Variants in ANKS1A observed in about 807,000 individuals in gnomAD.
ANKS1A encodes the protein ankyrin repeat and SAM domain-containing protein 1A.
A neutral mutation model predicts 120.3 loss-of-function variants in ANKS1A; 55 were observed. That is an observed-to-expected ratio of 0.46 (90% CI 0.37 to 0.57). ANKS1A has a LOEUF of 0.57. Among genes scored for constraint, ANKS1A ranks in the 20% least tolerant of loss-of-function variants. The pLI, the probability that ANKS1A is intolerant of heterozygous loss-of-function variation, is 0.00. For missense variants in ANKS1A, 1,123 were observed against 1,480.3 expected, an observed-to-expected ratio of 0.76 and a Z score of 3.96; for synonymous variants, 590 against 604.7, an observed-to-expected ratio of 0.98 and a Z score of 0.36.
chr6:35,081,282 G>A, intron 17 of ANKS1A, 124 bp downstream of exon 17: 1 of 1,277,336 alleles, frequency 7.8e-7, no homozygotes, highest in Non-Finnish European at 1.1e-6. Flanking sequence ...GAGTCAGGAG[G>A]CACTAGCCTG....
rs1326247861 is a variant in ANKS1A at position 35,050,774 on chromosome 6, G to A, written c.2011-3325G>A. Among the ~76,000 whole-genome samples, 1 of 152,154 alleles carries A rather than the reference G, an allele frequency of 6.6e-6. No individual in the cohort carries two copies. The highest frequency in any genetic ancestry group is 1.5e-5 in the Non-Finnish European group (1 of 68,030). ...CCAGGGTGGGGACCTGCCAATCTCT[G>A]CCCAAACAGGACCTCTTCGCTGCCA... On this transcript the variant is annotated intron_variant, in intron 11 of 23. Coordinates refer to ENST00000360359, the MANE Select transcript of ANKS1A (RefSeq NM_015245.3). The surrounding 1 kb of genome is among the most constrained non-coding windows in gnomAD (Gnocchi z 4.3).
At chr6:35,049,375 G>T (rs1461328128) in intron 11 of ANKS1A, among the ~76,000 whole-genome samples, 1 of 152,184 alleles carries the variant, frequency 6.6e-6, no homozygotes, top group Non-Finnish European at 1.5e-5. Flanking sequence ...GCATATGGTG[G>T]GATCTAAAGA....
chr6:35,078,395 C>T (rs1182709523), intron 13 of ANKS1A, among the ~76,000 whole-genome samples, 163 bp from the exon 14 acceptor site: 1 of 152,154 alleles, frequency 6.6e-6, no homozygotes, highest in Non-Finnish European at 1.5e-5. Flanking sequence ...CTGGGAGCCG[C>T]CCGGATGGAC....
At chr6:34,918,600 ATC>A (rs200345460) in intron 1 of ANKS1A, among the ~76,000 whole-genome samples, 1,902 of 152,332 alleles carry the variant, frequency 0.012, 18 homozygotes, top group Middle Eastern at 0.024. Context: ...AGCAGAAGGT[ATC>A]TCAGGATCGG....
intron 10 of ANKS1A, among the ~76,000 whole-genome samples, chr6:35,005,154 G>A (rs772083756): frequency 5.9e-5 from 9 of 152,154 alleles, no homozygotes; most frequent in Non-Finnish European, 8.8e-5. Flanking sequence ...TAGAATTAGC[G>A]GGTCAGAGTG....
At chr6:35,064,681 C>T (rs1040564567) in intron 13 of ANKS1A, among the ~76,000 whole-genome samples, 37 of 152,330 alleles carry the variant, frequency 2.4e-4, no homozygotes, top group Non-Finnish European at 3.4e-4. Flanking sequence ...TATGACATCC[C>T]TCCTTTTGCC....
At chr6:35,004,577 G>T (rs1017518936) in intron 10 of ANKS1A, among the ~76,000 whole-genome samples, 15 of 151,944 alleles carry the variant, frequency 9.9e-5, no homozygotes, top group African/African-American at 3.6e-4. Context: ...AAATGTTAAG[G>T]TTCTTCTCAC....
rs1214825678 is a variant in ANKS1A at position 34,994,459 on chromosome 6, A to G, written c.1423+37A>G. On this transcript the variant is annotated intron_variant, in intron 10 of 23. Transcript: ENST00000360359. ...ACAACTCCTGGCAGAACCAACTCCA[A>G]AGGGATTTTTAAAGTTTGTGATCCT... 1.1e-5 allele frequency: 17 copies of G among 1,600,356 alleles called. No homozygotes were observed. In the South Asian group the frequency reaches 1.5e-4, roughly 15 times the overall value.
intron 1 of ANKS1A, 26 bp from the exon 2 acceptor site, chr6:34,967,213 C>G (rs1428043016): frequency 6.2e-7 from 1 of 1,604,106 alleles, no homozygotes; most frequent in African/African-American, 1.3e-5. Context: ...AAATCTATGT[C>G]TCTCTCTTTT....
Position 34,956,654 on chromosome 6 carries a change from G to A in ANKS1A, c.198-10585G>A, listed in dbSNP as rs537026872. 2.0e-5 allele frequency among the ~76,000 whole-genome samples: 3 copies of A among 152,240 alleles called. No individual in the cohort carries two copies. In the South Asian group the frequency reaches 6.2e-4, roughly 32 times the overall value. The stretch of plus-strand genomic sequence containing the variant: ...CCCTCAACTTTTCTGTGTAGGGATG[G>A]GAGTGGAGCTCCCATTCCAGCATTA... On this transcript the variant is annotated intron_variant, in intron 1 of 23. Coordinates refer to ENST00000360359, the MANE Select transcript of ANKS1A (RefSeq NM_015245.3).
intron 23 of ANKS1A, 44 bp downstream of exon 23, chr6:35,087,093 A>G (rs377223452): frequency 3.0e-5 from 47 of 1,565,214 alleles, no homozygotes; most frequent in African/African-American, 2.4e-4. Flanking sequence ...CCCTGTCTCC[A>G]CTAGTCTCAC....
At chr6:34,939,741 G>T (rs1300819657) in intron 1 of ANKS1A, among the ~76,000 whole-genome samples, 2 of 152,128 alleles carry the variant, frequency 1.3e-5, no homozygotes, top group African/African-American at 4.8e-5. Flanking sequence ...AAGGTTTGGG[G>T]ATATGCTAAG....
In ANKS1A at chr6:34,945,349, A is replaced by T. The variant is rs7741166; in HGVS notation, c.198-21890A>T. Among the ~76,000 whole-genome samples, 1,161 of 152,282 alleles carry T rather than the reference A, an allele frequency of 7.6e-3. 21 individuals carry two copies. Among genetic ancestry groups the T allele is most frequent in the African/African-American group, 0.026 (1,062 of 41,556 alleles). ...TGCCTTGGCTGCCCACAGTGCTGGGATTACAGGTGTGAGCCACCGCACCTG... is the reference window on the plus strand; with the variant it reads ...TGCCTTGGCTGCCCACAGTGCTGGGTTTACAGGTGTGAGCCACCGCACCTG... On this transcript the variant is annotated intron_variant, in intron 1 of 23. Transcript: ENST00000360359.
chr6:35,072,063 A>G (rs1777112447), intron 13 of ANKS1A, among the ~76,000 whole-genome samples: 1 of 152,258 alleles, frequency 6.6e-6, no homozygotes, highest in Non-Finnish European at 1.5e-5. Context: ...TGAAGACCTC[A>G]CCTGCAGTTA....
intron 7 of ANKS1A, 65 bp downstream of exon 7, chr6:34,983,490 C>A: frequency 7.7e-7 from 1 of 1,293,866 alleles, no homozygotes; most frequent in Non-Finnish European, 1.1e-6. Context: ...AATTCGTGGG[C>A]AGAATGGAAA....
intron 11 of ANKS1A, among the ~76,000 whole-genome samples, chr6:35,052,806 C>T (rs1433652122): frequency 5.3e-5 from 8 of 152,040 alleles, no homozygotes; most frequent in Non-Finnish European, 1.2e-4. Context: ...CTGACACTAT[C>T]CTTCCTCCCT....
Position 35,084,312 on chromosome 6 carries a change from G to A in ANKS1A, c.3132+54G>A, listed in dbSNP as rs1009775388. On this transcript the variant is annotated intron_variant, in intron 21 of 23. Transcript: ENST00000360359. The surrounding 1 kb of genome is among the most constrained non-coding windows in gnomAD (Gnocchi z 4.8). Reference sequence around the variant, plus strand: ...CAGGCTTGGGTTGCAGCCCTGAGGCGTCCAGCCCCATTGCAGGGCACAGAT... The same window carrying A: ...CAGGCTTGGGTTGCAGCCCTGAGGCATCCAGCCCCATTGCAGGGCACAGAT... 2.0e-5 allele frequency: 32 copies of A among 1,598,184 alleles called. No individual in the cohort carries two copies. The highest frequency in any genetic ancestry group is 1.4e-4 in the Admixed American group (8 of 58,570).
intron 1 of ANKS1A, among the ~76,000 whole-genome samples, chr6:34,935,366 C>T (rs142091389): frequency 2.6e-5 from 4 of 152,228 alleles, no homozygotes; most frequent in Admixed American, 1.3e-4. Flanking sequence ...GGATTACAGG[C>T]GTGAGCCACT....
At position 35,058,050 on chromosome 6, in the gene ANKS1A, T is replaced by C. The variant is rs1776299818; in HGVS notation, c.2078-2097T>C. On this transcript the variant is annotated intron_variant, in intron 12 of 23. Transcript: ENST00000360359. The surrounding 1 kb of genome is among the most constrained non-coding windows in gnomAD (Gnocchi z 5.1). ...TATTGGGAAATCTGTCATTTCGCTC[T>C]GATGCTAGTGCTGCTGTCTCCTTCT... Among the ~76,000 whole-genome samples, 1 of 152,256 alleles carries C rather than the reference T, an allele frequency of 6.6e-6. No individual in the cohort carries two copies. Among genetic ancestry groups the C allele is most frequent in the Admixed American group, 6.5e-5 (1 of 15,292 alleles).
Sources: gnomAD v4.1 joint callset for allele counts (sites outside exome capture counted in the v4.1 genomes callset) on GRCh38, gnomAD v4.1.1 for gene constraint, Gnocchi (gnomAD v3.1) non-coding constraint, MANE v1.5 for transcripts, NCBI Gene and HGNC (gene_info 2026-07-23, HGNC 2026-07-21) for gene names.